Variants in ARHGAP35 observed in about 807,000 individuals in gnomAD.
ARHGAP35 encodes the protein Rho GTPase activating protein 35.
A neutral mutation model predicts 111.1 loss-of-function variants in ARHGAP35; 15 were observed. The ratio of observed to expected loss-of-function variants is 0.13; its 90% CI spans 0.09 to 0.21. ARHGAP35 has a LOEUF of 0.21. ARHGAP35 is among the 10% of genes least tolerant of loss of function. The pLI is 1.00. For synonymous variants in ARHGAP35, 643 were observed against 710.3 expected (o/e 0.91, Z 1.51); for missense variants, 1,262 against 1,873.0 (o/e 0.67, Z 6.02).
intron 3 of ARHGAP35, among the ~76,000 whole-genome samples, chr19:46,938,177 C>T (rs1291839807): frequency 6.6e-6 from 1 of 152,118 alleles, no homozygotes; most frequent in Admixed American, 6.5e-5. Flanking sequence ...GCCTTCCAAT[C>T]TGTTCTTTCT....
chr19:46,935,200 C>T (rs1160017928), intron 2 of ARHGAP35, among the ~76,000 whole-genome samples: 1 of 152,176 alleles, frequency 6.6e-6, no homozygotes, highest in Non-Finnish European at 1.5e-5. Context: ...TTATGAGGAG[C>T]AGGTATCTCA....
chr19:46,880,478 T>C (rs1352360612), intron 1 of ARHGAP35, among the ~76,000 whole-genome samples: 1 of 152,192 alleles, frequency 6.6e-6, no homozygotes, highest in East Asian at 1.9e-4. Flanking sequence ...ATTATGAGAT[T>C]GCAACAATTC....
intron 1 of ARHGAP35, among the ~76,000 whole-genome samples, chr19:46,883,874 G>A (rs1202316140): frequency 6.6e-6 from 1 of 151,992 alleles, no homozygotes; most frequent in African/African-American, 2.4e-5. Context: ...GGGCAATGTG[G>A]TGAAACCCCA....
At chr19:46,959,450 G>A (rs893027998) in intron 3 of ARHGAP35, among the ~76,000 whole-genome samples, 1 of 151,434 alleles carries the variant, frequency 6.6e-6, no homozygotes, top group Non-Finnish European at 1.5e-5. Flanking sequence ...CCAGGCTGGA[G>A]TGCAATGACA....
intron 3 of ARHGAP35, among the ~76,000 whole-genome samples, chr19:46,940,189 GTC>G (rs1331563517): frequency 6.6e-6 from 1 of 151,978 alleles, no homozygotes; most frequent in African/African-American, 2.4e-5. Context: ...GAGAAACCCA[GTC>G]TCTACTAAAA....
In ARHGAP35 at chr19:47,000,703, G is replaced by C. The variant is rs1200976471; in HGVS notation, c.*15G>C. ...ACACGCTGTGAGCCACCAAGACCTG[G>C]GGCGACAGGAGAACCGGTCCTCTCT... On this transcript the variant is annotated 3_prime_UTR_variant, in exon 7 of 7. Transcript: ENST00000672722. The surrounding 1 kb of genome is among the most constrained non-coding windows in gnomAD (Gnocchi z 6.9). 1 of 1,554,210 alleles carries C rather than the reference G, an allele frequency of 6.4e-7. No homozygotes were observed. Among genetic ancestry groups the C allele is most frequent in the Middle Eastern group, 1.7e-4 (1 of 5,856 alleles).
intron 1 of ARHGAP35, among the ~76,000 whole-genome samples, chr19:46,897,375 A>G (rs990751536): frequency 5.3e-5 from 8 of 151,796 alleles, no homozygotes; most frequent in Non-Finnish European, 4.4e-5. Context: ...TGGGTTAGCA[A>G]ATGCAGTGAT....
chr19:47,000,840 T>G lies in ARHGAP35; in HGVS notation c.*152T>G. 6.5e-7 allele frequency: 1 copy of G among 1,539,370 alleles called. No individual in the cohort carries two copies. The highest frequency in any genetic ancestry group is 1.2e-5 in the South Asian group (1 of 83,312). On this transcript the variant is annotated 3_prime_UTR_variant, in exon 7 of 7. Transcript: ENST00000672722. This position sits in a 1 kb window ranked among gnomAD's most constrained non-coding sequence, Gnocchi z 6.9. ...AGACCTCAGTGGGAGCACCAGCCAA[T>G]GGTACCATCGGCTGGGCTGCCAGGT...
At chr19:46,864,896 AAAC>A (rs2055846963) in intron 1 of ARHGAP35, among the ~76,000 whole-genome samples, 1 of 152,234 alleles carries the variant, frequency 6.6e-6, no homozygotes, top group Non-Finnish European at 1.5e-5. Flanking sequence ...TTAAGAATAA[AAAC>A]AACTGTGTAT....
At chr19:46,995,604 C>T (rs921530232) in intron 5 of ARHGAP35, among the ~76,000 whole-genome samples, 1 of 152,238 alleles carries the variant, frequency 6.6e-6, no homozygotes, top group Non-Finnish European at 1.5e-5. Flanking sequence ...TTCTCTTGGC[C>T]TCTGGAGTGG....
At chr19:46,935,321 T>C (rs1432426445) in intron 2 of ARHGAP35, among the ~76,000 whole-genome samples, 3 of 152,244 alleles carry the variant, frequency 2.0e-5, no homozygotes, top group East Asian at 1.9e-4. Context: ...TGAATGAAGA[T>C]TGGATTCTCA....
chr19:46,964,496 G>C (rs1324742257), intron 3 of ARHGAP35, among the ~76,000 whole-genome samples: 1 of 152,194 alleles, frequency 6.6e-6, no homozygotes, highest in Non-Finnish European at 1.5e-5. Context: ...GAGCTCAAGT[G>C]ATCCTCCCAC....
chr19:46,897,053 C>T (rs2056061220), intron 1 of ARHGAP35, among the ~76,000 whole-genome samples: 2 of 148,806 alleles, frequency 1.3e-5, no homozygotes, highest in Non-Finnish European at 3.0e-5. Flanking sequence ...GCCACCACAC[C>T]TGGCTAATTT....
chr19:46,908,317 G>A lies in ARHGAP35; in HGVS notation c.-188-10171G>A, dbSNP rs1331369930. On this transcript the variant is annotated intron_variant, in intron 1 of 6. Transcript: ENST00000672722. The surrounding 1 kb of genome is among the most constrained non-coding windows in gnomAD (Gnocchi z 4.2). ...CCAGGAAATTTCAAAGGTAAGACTC[G>A]GCTGTTTTTTTGTATCTTGACTTGG... Among the ~76,000 whole-genome samples the A allele has an allele frequency of 2.0e-5, 3 of 152,048 alleles. No homozygotes were observed. The highest frequency in any genetic ancestry group is 4.4e-5 in the Non-Finnish European group (3 of 68,004).
At chr19:46,888,474 A>C (rs2056007531) in intron 1 of ARHGAP35, among the ~76,000 whole-genome samples, 1 of 149,798 alleles carries the variant, frequency 6.7e-6, no homozygotes, top group African/African-American at 2.5e-5. Flanking sequence ...GTACCAGCAT[A>C]TATGCTGTAG....
Position 46,919,844 on chromosome 19 carries a change from C to A in ARHGAP35, c.1169C>A (p.Ala390Asp), listed in dbSNP as rs1436878854. Residue 390 changes from alanine to aspartate, a missense_variant, in exon 2 of 7, where the codon GCC becomes GAC. Ala to Asp is a moderately radical substitution (Grantham distance 126). Transcript: ENST00000672722. The surrounding 1 kb of genome is among the most constrained non-coding windows in gnomAD (Gnocchi z 6.2). ...GTGCTTGAAGAGACCCCATGGGATG[C>A]CACCAGTCACATTGACAACATGGAA... Reference protein sequence around the residue: ...FVVLEETPWDATSHIDNMENE... With the variant: ...FVVLEETPWDDTSHIDNMENE... 6.8e-6 allele frequency: 11 copies of A among 1,613,908 alleles called. No homozygotes were observed. In the Admixed American group the frequency reaches 1.8e-4, roughly 27 times the overall value.
At chr19:46,873,662 A>G (rs1223088843) in intron 1 of ARHGAP35, among the ~76,000 whole-genome samples, 1 of 151,544 alleles carries the variant, frequency 6.6e-6, no homozygotes, top group Non-Finnish European at 1.5e-5. Context: ...CCGTCGGTCA[A>G]AGTCAGGAAT....
intron 3 of ARHGAP35, among the ~76,000 whole-genome samples, chr19:46,984,076 A>G (rs1313895971): frequency 6.6e-6 from 1 of 152,228 alleles, no homozygotes; most frequent in East Asian, 1.9e-4. Context: ...AGATAATTGC[A>G]GCCAGTAGGG....
intron 3 of ARHGAP35, among the ~76,000 whole-genome samples, chr19:46,959,626 C>T (rs1484539330): frequency 6.6e-6 from 1 of 151,894 alleles, no homozygotes; most frequent in Non-Finnish European, 1.5e-5. Context: ...TCTCAAACTC[C>T]TGACCTCGGG....
Sources: allele counts gnomAD v4.1 joint callset (sites outside exome capture counted in the v4.1 genomes callset), GRCh38; gene constraint gnomAD v4.1.1; non-coding constraint Gnocchi (gnomAD v3.1); transcripts MANE v1.5; gene names NCBI Gene and HGNC (gene_info 2026-07-23, HGNC 2026-07-21).